ARK2N: variants seen among roughly 807,000 people sequenced by gnomAD.
ARK2N encodes the protein arkadia (RNF111) N-terminal like PKA signaling regulator 2N, also known as protein ARK2N.
chr18:46,245,859 C>A, the ARK2N span, among the ~76,000 whole-genome samples: 1 of 152,032 alleles, frequency 6.6e-6, no homozygotes, highest in South Asian at 2.1e-4. Context: ...TTTTCTTACC[C>A]TATTTTGATA....
chr18:46,252,999 G>C, the ARK2N span, among the ~76,000 whole-genome samples: 1 of 152,176 alleles, frequency 6.6e-6, no homozygotes, highest in East Asian at 1.9e-4. Flanking sequence ...TGTTTTTCCA[G>C]AGTGTGTGGT....
the ARK2N span, chr18:46,173,884 G>T: frequency 3.3e-5 from 5 of 152,136 alleles, no homozygotes; most frequent in African/African-American, 9.7e-5. Flanking sequence ...GCGCCTTCAC[G>T]CCCCGCGGTC....
the ARK2N span, chr18:46,239,860 G>T: frequency 5.4e-6 from 4 of 736,390 alleles, no homozygotes; most frequent in South Asian, 1.9e-5. Context: ...TTCACATTTT[G>T]TACAAAATAT....
At chr18:46,207,044 G>A in the ARK2N span, among the ~76,000 whole-genome samples, 1 of 152,136 alleles carries the variant, frequency 6.6e-6, no homozygotes, top group Non-Finnish European at 1.5e-5. Flanking sequence ...CCAAAGTGCT[G>A]GGATTATAGG....
At chr18:46,250,819 C>T in the ARK2N span, among the ~76,000 whole-genome samples, 7 of 152,178 alleles carry the variant, frequency 4.6e-5, no homozygotes, top group South Asian at 1.0e-3. Flanking sequence ...GACTGTTACC[C>T]CCAAATCTCA....
At chr18:46,189,341 T>C in the ARK2N span, among the ~76,000 whole-genome samples, 227 of 152,258 alleles carry the variant, frequency 1.5e-3, no homozygotes, top group African/African-American at 5.2e-3. Flanking sequence ...TAGATGTGCT[T>C]TTATTTACAC....
chr18:46,206,702 T>C, the ARK2N span, among the ~76,000 whole-genome samples: 7 of 152,206 alleles, frequency 4.6e-5, no homozygotes, highest in African/African-American at 1.4e-4. Flanking sequence ...AATTTATTAC[T>C]TTTATCTTAC....
chr18:46,226,170 C>T, the ARK2N span, among the ~76,000 whole-genome samples: 7 of 152,068 alleles, frequency 4.6e-5, no homozygotes, highest in East Asian at 1.9e-4. Context: ...AATTATATTC[C>T]GTATTACTTG....
At chr18:46,255,405 T>TTTTTCTTTTCTTTTC in the ARK2N span, among the ~76,000 whole-genome samples, 1 of 148,942 alleles carries the variant, frequency 6.7e-6, no homozygotes, top group African/African-American at 2.5e-5. Flanking sequence ...TTTCTTTTTC[T>TTTTTCTTTTCTTTTC]TTTTCTTTTC....
the ARK2N span, among the ~76,000 whole-genome samples, chr18:46,229,336 T>C: frequency 1.3e-5 from 2 of 152,108 alleles, no homozygotes; most frequent in Non-Finnish European, 2.9e-5. Flanking sequence ...TTTAAAAAAG[T>C]GTCAATATGG....
chr18:46,199,628 TTGGGCACAAGAGAGATTA>T, the ARK2N span, among the ~76,000 whole-genome samples: 1 of 152,046 alleles, frequency 6.6e-6, no homozygotes, highest in Non-Finnish European at 1.5e-5. Context: ...TCTTGTAAGG[TTGGGCACAAGAGAGATTA>T]CTGTAGGAGA....
the ARK2N span, among the ~76,000 whole-genome samples, chr18:46,215,146 CTG>C: frequency 6.6e-6 from 1 of 152,126 alleles, no homozygotes; most frequent in Non-Finnish European, 1.5e-5. Flanking sequence ...TGGTGAAATC[CTG>C]TCTCTACAAA....
the ARK2N span, among the ~76,000 whole-genome samples, chr18:46,199,700 T>C: frequency 0.017 from 2,645 of 152,234 alleles, 71 homozygotes; most frequent in African/African-American, 0.06. Flanking sequence ...TTGTTGCTTA[T>C]CTGTTGAGTC....
At chr18:46,266,870 AAC>A in the ARK2N span, 1 of 152,636 alleles carries the variant, frequency 6.6e-6, no homozygotes, top group South Asian at 2.1e-4. Flanking sequence ...AAAATAATAA[AAC>A]AGAGTGTTAT....
At chr18:46,231,304 G>T in the ARK2N span, among the ~76,000 whole-genome samples, 2 of 152,112 alleles carry the variant, frequency 1.3e-5, no homozygotes, top group Non-Finnish European at 2.9e-5. Context: ...CTGGTTTCAG[G>T]GATGTGTGTA....
chr18:46,211,219 T>A, the ARK2N span, among the ~76,000 whole-genome samples: 1 of 152,154 alleles, frequency 6.6e-6, no homozygotes, highest in Non-Finnish European at 1.5e-5. Context: ...CTTTTGTTTT[T>A]ATTTTTTGAG....
the ARK2N span, among the ~76,000 whole-genome samples, chr18:46,201,516 T>C: frequency 0.017 from 2,649 of 152,200 alleles, 73 homozygotes; most frequent in African/African-American, 0.06. Flanking sequence ...CTTTCCTTCA[T>C]TGCGGATTTC....
the ARK2N span, among the ~76,000 whole-genome samples, chr18:46,206,126 C>G: frequency 6.6e-6 from 1 of 150,610 alleles, no homozygotes; most frequent in East Asian, 2.0e-4. Flanking sequence ...TGCTCTGTCT[C>G]CTAGGCTGGA....
chr18:46,248,851 G>A, the ARK2N span, among the ~76,000 whole-genome samples: 1 of 152,184 alleles, frequency 6.6e-6, no homozygotes, highest in Admixed American at 6.5e-5. Flanking sequence ...CCAAAGTGGT[G>A]GGATTACAGG....
Sources: gnomAD v4.1 joint callset for allele counts (sites outside exome capture counted in the v4.1 genomes callset) on GRCh38, gnomAD v4.1.1 for gene constraint, MANE v1.5 for transcripts, NCBI Gene and HGNC (gene_info 2026-07-23, HGNC 2026-07-21) for gene names.